Variants in CCNF observed in about 807,000 individuals in gnomAD.
CCNF encodes the protein cyclin-F.
In CCNF, 30 loss-of-function variants were observed where a neutral mutation model predicts 85.4. The ratio of observed to expected loss-of-function variants is 0.35; its 90% CI spans 0.26 to 0.48. The LOEUF is 0.48. Among genes scored for constraint, CCNF ranks in the 20% least tolerant of loss-of-function variants. CCNF has a pLI of 0.99. For synonymous variants in CCNF, 439 were observed against 425.1 expected (o/e 1.03, Z -0.40); for missense variants, 919 against 1,010.4 (o/e 0.91, Z 1.23).
chr16:2,439,597 T>C, intron 7 of CCNF, 140 bp downstream of exon 7: 1 of 890,552 alleles, frequency 1.1e-6, no homozygotes, highest in Non-Finnish European at 1.8e-6. Flanking sequence ...GAACCACTGG[T>C]CAGTCGGCTA....
rs986243740 is a variant in CCNF at position 2,451,568 on chromosome 16, T to G, written c.1488-1642T>G. 2.0e-5 allele frequency among the ~76,000 whole-genome samples: 3 copies of G among 152,142 alleles called. No homozygotes were observed. The highest frequency in any genetic ancestry group is 7.2e-5 in the African/African-American group (3 of 41,418). ...CAGCAGACTCAGCGGTGTGGGCTTT[T>G]TTTTCCTTTTTTGAGTTGGGGGCCC... On this transcript the variant is annotated intron_variant, in intron 13 of 16. Coordinates refer to ENST00000397066, the MANE Select transcript of CCNF (RefSeq NM_001761.3). This position sits in a 1 kb window ranked among gnomAD's most constrained non-coding sequence, Gnocchi z 4.3.
chr16:2,429,471 C>T lies in CCNF; in HGVS notation c.-11C>T. On this transcript the variant is annotated 5_prime_UTR_variant, in exon 1 of 17. Transcript: ENST00000397066. Reference sequence around the variant, plus strand: ...CAGGCGGGCTCCGGCGGCAGCGACGCGAGCGCGGCGATGGGGAGCGGCGGC... The same window carrying T: ...CAGGCGGGCTCCGGCGGCAGCGACGTGAGCGCGGCGATGGGGAGCGGCGGC... 8.1e-7 allele frequency: 1 copy of T among 1,227,086 alleles called. No individual in the cohort carries two copies. The highest frequency in any genetic ancestry group is 1.0e-6 in the Non-Finnish European group (1 of 985,388). The allele number at this position is 1,227,086 out of a possible 1,614,324, so 76.0% of individuals were successfully genotyped here. A position where few individuals can be genotyped will look rare whatever the true frequency, so the allele number is the denominator to read the frequency against.
At chr16:2,448,805 C>T in intron 10 of CCNF, 50 bp from the exon 11 acceptor site, 1 of 1,590,696 alleles carries the variant, frequency 6.3e-7, no homozygotes, top group South Asian at 1.1e-5. Context: ...CCGCCCCACC[C>T]CTGCCCCAGG....
chr16:2,439,271 C>A, intron 6 of CCNF, 82 bp from the exon 7 acceptor site: 2 of 1,240,938 alleles, frequency 1.6e-6, no homozygotes, highest in South Asian at 1.4e-5. Flanking sequence ...GCACTCCAAC[C>A]TGGGCGACGA....
intron 10 of CCNF, among the ~76,000 whole-genome samples, chr16:2,448,009 A>T (rs1390758034): frequency 6.6e-6 from 1 of 152,246 alleles, no homozygotes; most frequent in Non-Finnish European, 1.5e-5. Context: ...TCCAAGGGGA[A>T]GGTGCCTTGC....
rs1395559715 is a variant in CCNF, at chr16:2,449,444, AG to A, written c.1382del (p.Arg461AsnfsTer2). 1 of 1,606,284 alleles carries A rather than the reference AG, an allele frequency of 6.2e-7. No homozygotes were observed. The highest frequency in any genetic ancestry group is 8.5e-7 in the Non-Finnish European group (1 of 1,179,614). ...GGCTGCCGCAGCCCTGCTCCTGGCC[AG>A]ACTGACGCACGGGCAGAGTAAGGAG... ...RLAAAALLLA[R>X]LTHGQTQPWT... On this transcript the variant is annotated frameshift_variant, in exon 12 of 17. Transcript: ENST00000397066. LOFTEE classifies it high-confidence loss of function.
At chr16:2,430,256 G>A (rs1320495107) in intron 1 of CCNF, among the ~76,000 whole-genome samples, 2 of 152,040 alleles carry the variant, frequency 1.3e-5, no homozygotes, top group Non-Finnish European at 2.9e-5. Flanking sequence ...TGGATAGAAA[G>A]GTAGATTTGT....
intron 3 of CCNF, among the ~76,000 whole-genome samples, chr16:2,433,628 CCAG>C (rs1313017835): frequency 4.0e-4 from 61 of 152,242 alleles, no homozygotes; most frequent in African/African-American, 1.2e-3. Flanking sequence ...CGCTCTGTCA[CCAG>C]GCTGGAGTGC....
Position 2,451,675 on chromosome 16 carries a change from C to T in CCNF, c.1488-1535C>T, listed in dbSNP as rs1392590522. Reference sequence around the variant, plus strand: ...AAGGGATTCTTTTGTGTCAGCCTCCCGAGTAGCAGAAACCACAGGCACCAG... The same window carrying T: ...AAGGGATTCTTTTGTGTCAGCCTCCTGAGTAGCAGAAACCACAGGCACCAG... On this transcript the variant is annotated intron_variant, in intron 13 of 16. Transcript: ENST00000397066. This position sits in a 1 kb window ranked among gnomAD's most constrained non-coding sequence, Gnocchi z 4.3. Among the ~76,000 whole-genome samples the T allele has an allele frequency of 1.3e-5, 2 of 152,140 alleles. No homozygotes were observed. The highest frequency in any genetic ancestry group is 2.9e-5 in the Non-Finnish European group (2 of 68,032).
At chr16:2,442,940 A>ATAATG (rs1340056113) in intron 8 of CCNF, among the ~76,000 whole-genome samples, 1 of 98,850 alleles carries the variant, frequency 1.0e-5, no homozygotes, top group Non-Finnish European at 1.8e-5. Flanking sequence ...TGATTATTAT[A>ATAATG]TATTATTATA....
intron 10 of CCNF, 60 bp from the exon 11 acceptor site, chr16:2,448,795 C>T: frequency 6.4e-7 from 1 of 1,557,648 alleles, no homozygotes; most frequent in South Asian, 1.1e-5. Context: ...TTGGGTCCCT[C>T]CGCCCCACCC....
Position 2,439,414 on chromosome 16 carries a change from T to C in CCNF, c.656T>C (p.Leu219Pro), listed in dbSNP as rs771544471. 30 of 1,611,074 alleles carry C rather than the reference T, an allele frequency of 1.9e-5. No homozygotes were observed. Among genetic ancestry groups the C allele is most frequent in the Admixed American group, 1.7e-4 (10 of 59,770 alleles). ...GAGGAGGCTGCTCATCAGGGATGTCTGACCAGCTCCTACCTCCTCTGGGAA... is the reference window on the plus strand; with the variant it reads ...GAGGAGGCTGCTCATCAGGGATGTCCGACCAGCTCCTACCTCCTCTGGGAA... ...LFEEAAHQGCLTSSYLLWESD... is the reference protein window; with the variant it reads ...LFEEAAHQGCPTSSYLLWESD... The change falls in exon 7 of 17, where the codon CTG becomes CCG. Residue 219 changes from leucine to proline, a missense_variant. This residue lies in a region of CCNF where 410 missense variants were observed against 478.6 expected (regional missense o/e 0.86). Transcript: ENST00000397066.
intron 13 of CCNF, among the ~76,000 whole-genome samples, chr16:2,450,448 T>TC (rs2141827973): frequency 6.6e-6 from 1 of 150,474 alleles, no homozygotes; most frequent in African/African-American, 2.4e-5. Flanking sequence ...GAGGCAGAGG[T>TC]TGCGGTGAGC....
intron 12 of CCNF, 111 bp downstream of exon 12, chr16:2,449,573 G>C (rs1303827124): frequency 6.3e-6 from 7 of 1,117,890 alleles, no homozygotes; most frequent in Non-Finnish European, 7.5e-6. Context: ...TACTTCTTGG[G>C]GGGTGAGATA....
At chr16:2,441,161 G>A (rs543983219) in intron 8 of CCNF, among the ~76,000 whole-genome samples, 1 of 152,064 alleles carries the variant, frequency 6.6e-6, no homozygotes, top group Non-Finnish European at 1.5e-5. Context: ...TTGAACCCAG[G>A]AGGAGGAAGT....
chr16:2,439,749 G>T lies in CCNF; in HGVS notation c.700G>T (p.Val234Leu). The change falls in exon 8 of 17, where the codon GTG becomes TTG. Residue 234 changes from valine to leucine, a missense_variant and splice_region_variant. By Grantham distance (32) the Val-to-Leu change is conservative (BLOSUM62 1). Transcript: ENST00000397066. Reference protein sequence around the residue: ...LLWESDRRTDVSDPGRCLHSF... With the variant: ...LLWESDRRTDLSDPGRCLHSF... ...AGGCTCGGTGATCTCCCATTGACAG[G>T]TGTCAGATCCTGGGCGATGCCTCCA... The T allele has an allele frequency of 6.2e-7, 1 of 1,613,620 alleles. No individual in the cohort carries two copies. The highest frequency in any genetic ancestry group is 1.1e-5 in the South Asian group (1 of 91,062).
chr16:2,430,025 A>G (rs2065254997), intron 1 of CCNF, among the ~76,000 whole-genome samples: 1 of 152,194 alleles, frequency 6.6e-6, no homozygotes. Context: ...TCTGTCCTGG[A>G]GCCGGAGAAT....
In CCNF at chr16:2,431,383, GA is replaced by G. The variant is rs376235797; in HGVS notation, c.171+100del. The stretch of plus-strand genomic sequence containing the variant: ...TCAGAACAAAACTTTGGCTAAAAAA[GA>G]GGTTGGGGCAGAGGCCAGGCACGGT... On this transcript the variant is annotated intron_variant, in intron 2 of 16. Coordinates refer to ENST00000397066, the MANE Select transcript of CCNF (RefSeq NM_001761.3). 1.7e-3 allele frequency: 2,335 copies of G among 1,381,732 alleles called. 56 individuals are homozygous for G. In the South Asian group the frequency reaches 0.028, roughly 17 times the overall value. 85.6% of individuals were successfully genotyped at this position (1,381,732 alleles called of 1,614,324 possible). A position where few individuals can be genotyped will look rare whatever the true frequency, so the allele number is the denominator to read the frequency against.
chr16:2,455,326 G>A, intron 15 of CCNF, 69 bp from the exon 16 acceptor site: 1 of 1,481,680 alleles, frequency 6.7e-7, no homozygotes, highest in South Asian at 1.4e-5. Context: ...TTAGAGGCAG[G>A]TGTGGAGGGC....
Sources: allele counts gnomAD v4.1 joint callset (sites outside exome capture counted in the v4.1 genomes callset), GRCh38; gene constraint gnomAD v4.1.1; regional missense constraint gnomAD v4.1.1; non-coding constraint Gnocchi (gnomAD v3.1); transcripts MANE v1.5; gene names NCBI Gene and HGNC (gene_info 2026-07-23, HGNC 2026-07-21).